Variants in INSC observed in about 807,000 individuals in gnomAD.
INSC encodes INSC spindle orientation adaptor protein.
INSC carries 67 observed loss-of-function variants against 58.6 expected under a neutral mutation model. That is an observed-to-expected ratio of 1.14 (90% CI 0.94 to 1.40). The LOEUF is 1.40. Ranked by LOEUF, INSC falls within the 40% of genes most tolerant of loss-of-function variation. The pLI is 0.00. For missense variants in INSC, 714 were observed against 692.0 expected, an observed-to-expected ratio of 1.03 and a Z score of -0.36; for synonymous variants, 262 against 276.1, an observed-to-expected ratio of 0.95 and a Z score of 0.51.
At chr11:15,258,107 AG>A in the INSC span, among the ~76,000 whole-genome samples, 1 of 152,226 alleles carries the variant, frequency 6.6e-6, no homozygotes, top group African/African-American at 2.4e-5. Flanking sequence ...TAAATTAGGT[AG>A]TAGACATACG....
chr11:15,220,459 A>G (rs771370742), intron 7 of INSC, among the ~76,000 whole-genome samples: 17 of 152,264 alleles, frequency 1.1e-4, no homozygotes, highest in East Asian at 3.9e-4. Flanking sequence ...ACTGACCCCA[A>G]TGGAGGCTGA....
intron 2 of INSC, among the ~76,000 whole-genome samples, chr11:15,170,269 GT>G (rs541519146): frequency 6.0e-5 from 9 of 151,158 alleles, no homozygotes; most frequent in South Asian, 2.1e-4. Context: ...GATTTCACTA[GT>G]TTTTTTTTCA....
chr11:15,253,241 G>C, the INSC span, among the ~76,000 whole-genome samples: 8 of 152,132 alleles, frequency 5.3e-5, no homozygotes, highest in African/African-American at 1.9e-4. Flanking sequence ...CTTGGGGTAA[G>C]GAGGGCTGGG....
chr11:15,214,851 T>C (rs1043430303), intron 7 of INSC, among the ~76,000 whole-genome samples: 1 of 152,210 alleles, frequency 6.6e-6, no homozygotes, highest in Non-Finnish European at 1.5e-5. Flanking sequence ...TTCAGCTTTA[T>C]GCCCCCCACC....
chr11:15,223,738 G>T (rs901356891), intron 8 of INSC, among the ~76,000 whole-genome samples: 1 of 152,208 alleles, frequency 6.6e-6, no homozygotes, highest in African/African-American at 2.4e-5. Flanking sequence ...AGGGGCTGGG[G>T]ACTCCAGTGA....
the INSC span, among the ~76,000 whole-genome samples, chr11:15,259,254 A>C: frequency 6.6e-6 from 1 of 152,196 alleles, no homozygotes; most frequent in Non-Finnish European, 1.5e-5. Context: ...TCTAGCAGTC[A>C]TTAGATTTTG....
the INSC span, among the ~76,000 whole-genome samples, chr11:15,265,984 G>A: frequency 2.0e-5 from 3 of 151,622 alleles, no homozygotes; most frequent in Non-Finnish European, 4.4e-5. Context: ...CAGGCTAGGA[G>A]TTTCTGCAGA....
chr11:15,147,679 T>A (rs1848529021), intron 1 of INSC, among the ~76,000 whole-genome samples: 1 of 152,168 alleles, frequency 6.6e-6, no homozygotes, highest in African/African-American at 2.4e-5. Flanking sequence ...GTGTCTACCC[T>A]CAAGAAGCTC....
At chr11:15,192,580 C>CA (rs950000616) in intron 6 of INSC, among the ~76,000 whole-genome samples, 1 of 152,148 alleles carries the variant, frequency 6.6e-6, no homozygotes, top group South Asian at 2.1e-4. Flanking sequence ...AGTGGGTACT[C>CA]AAAGAGTTTG....
chr11:15,132,769 T>C (rs1430853637), intron 1 of INSC, among the ~76,000 whole-genome samples: 1 of 152,252 alleles, frequency 6.6e-6, no homozygotes, highest in Non-Finnish European at 1.5e-5. Context: ...TTATATTTCA[T>C]ACTTATTCTT....
chr11:15,154,690 C>T (rs1590370462), intron 2 of INSC, among the ~76,000 whole-genome samples: 1 of 152,320 alleles, frequency 6.6e-6, no homozygotes, highest in Non-Finnish European at 1.5e-5. Flanking sequence ...TTTTCTCTCT[C>T]TCTGAGCCTT....
At chr11:15,190,015 T>A (rs1379176338) in intron 5 of INSC, among the ~76,000 whole-genome samples, 2 of 152,226 alleles carry the variant, frequency 1.3e-5, no homozygotes, top group East Asian at 3.8e-4. Context: ...TTATGTTCAG[T>A]CATTCCCAGA....
At chr11:15,205,493 A>T (rs1183859626) in intron 7 of INSC, among the ~76,000 whole-genome samples, 1 of 152,220 alleles carries the variant, frequency 6.6e-6, no homozygotes, top group Non-Finnish European at 1.5e-5. Context: ...GATGCTTGGC[A>T]CAGAGTAGAC....
chr11:15,229,962 A>AT (rs1554926859), intron 9 of INSC, among the ~76,000 whole-genome samples: 1,779 of 27,510 alleles, frequency 0.065, 113 homozygotes, highest in South Asian at 0.11. Context: ...ATATATATTT[A>AT]TATATATATA....
intron 1 of INSC, among the ~76,000 whole-genome samples, chr11:15,145,577 G>T (rs1474169244): frequency 6.6e-6 from 1 of 152,122 alleles, no homozygotes; most frequent in Non-Finnish European, 1.5e-5. Flanking sequence ...CTTTAAACAG[G>T]TCTCTTTGCA....
intron 12 of INSC, among the ~76,000 whole-genome samples, chr11:15,243,849 C>G (rs1484509338): frequency 6.6e-6 from 1 of 151,822 alleles, no homozygotes; most frequent in African/African-American, 2.4e-5. Context: ...TATCTCCCCT[C>G]CCCCTAAGGG....
chr11:15,156,482 G>T (rs1002283064), intron 2 of INSC, among the ~76,000 whole-genome samples: 1 of 152,082 alleles, frequency 6.6e-6, no homozygotes, highest in African/African-American at 2.4e-5. Flanking sequence ...TGTGATGTTG[G>T]CCAAGTCACC....
chr11:15,142,447 C>T lies in INSC; in HGVS notation c.-45-6683C>T, dbSNP rs1046128631. Among the ~76,000 whole-genome samples, 18 of 152,238 alleles carry T rather than the reference C, an allele frequency of 1.2e-4. 1 individual carries two copies. The highest frequency in any genetic ancestry group is 7.3e-5 in the Non-Finnish European group (5 of 68,044). ...CTTTTAGCCTCCTTTCCATCCTCTG[C>T]TTTTTCTACATTATTCTTTCAAGTT... On this transcript the variant is annotated intron_variant, in intron 1 of 12. Coordinates refer to ENST00000379556, the MANE Select transcript of INSC (RefSeq NM_001042536.3).
At chr11:15,119,262 C>T (rs1395574891) in intron 1 of INSC, among the ~76,000 whole-genome samples, 1 of 152,180 alleles carries the variant, frequency 6.6e-6, no homozygotes, top group Non-Finnish European at 1.5e-5. Flanking sequence ...GAAAGGCCTC[C>T]TGGGTTGTGT....
Sources: allele counts gnomAD v4.1 joint callset (sites outside exome capture counted in the v4.1 genomes callset), GRCh38; gene constraint gnomAD v4.1.1; transcripts MANE v1.5; gene names NCBI Gene and HGNC (gene_info 2026-07-23, HGNC 2026-07-21).